Variants in TBXAS1 observed in about 807,000 individuals in gnomAD.
The protein encoded by TBXAS1 is thromboxane-A synthase.
TBXAS1 carries 48 observed loss-of-function variants against 60.7 expected under a neutral mutation model. That is an observed-to-expected ratio of 0.79 (90% CI 0.63 to 1.01). The LOEUF (loss-of-function observed/expected upper bound fraction) is 1.01. Among genes scored for constraint, TBXAS1 ranks in the 50% least tolerant of loss-of-function variants. The probability of loss-of-function intolerance (pLI) is 0.00; values close to 1 mark genes in which losing one functional copy is unlikely to be tolerated. For missense variants in TBXAS1, 685 were observed against 686.3 expected (o/e 1.00, Z 0.02); for synonymous variants, 287 against 269.7 (o/e 1.06, Z -0.63).
chr7:139,957,467 G>A (rs897778880), intron 7 of TBXAS1, 167 bp from the exon 8 acceptor site: 1 of 794,030 alleles, frequency 1.3e-6, no homozygotes, highest in African/African-American at 1.7e-5. Flanking sequence ...TACCGAGAGG[G>A]AGTGAGACAT....
At chr7:139,962,969 C>T (rs1569520231) in intron 9 of TBXAS1, 1 of 152,270 alleles carries the variant, frequency 6.6e-6, no homozygotes, top group African/African-American at 2.4e-5. Flanking sequence ...GATATGATTG[C>T]TATTACATTC....
At chr7:139,854,278 C>T (rs10239087) in intron 1 of TBXAS1, among the ~76,000 whole-genome samples, 13,033 of 152,036 alleles carry the variant, frequency 0.086, 1,576 homozygotes, top group African/African-American at 0.27. Context: ...TAACTAGGAA[C>T]GTGTGAGTCA....
At chr7:139,858,257 C>G (rs1275014742) in intron 1 of TBXAS1, among the ~76,000 whole-genome samples, 1 of 152,192 alleles carries the variant, frequency 6.6e-6, no homozygotes, top group Non-Finnish European at 1.5e-5. Flanking sequence ...GTTTATTGTG[C>G]CAGCTTTGAC....
At chr7:139,949,325 T>C (rs542724457) in intron 5 of TBXAS1, among the ~76,000 whole-genome samples, 79 of 152,342 alleles carry the variant, frequency 5.2e-4, no homozygotes, top group African/African-American at 1.5e-3. Context: ...CATATATATA[T>C]GTAGATAGAT....
At position 139,975,471 on chromosome 7, in the gene TBXAS1, G is replaced by A. The variant is rs1218315280; in HGVS notation, c.1134+13238G>A. 3.0e-4 allele frequency among the ~76,000 whole-genome samples: 45 copies of A among 149,070 alleles called. No homozygotes were observed. The highest frequency in any genetic ancestry group is 3.0e-3 in the Admixed American group (44 of 14,800). ...CCTCAGCGCTCTGCTGTTCTTGCCT[G>A]ACCAAGTGGATCAATGGTGGCTCTG... is the stretch of plus-strand genomic sequence containing the variant. On this transcript the variant is annotated intron_variant, in intron 9 of 12. Transcript: ENST00000448866. The surrounding 1 kb of genome is among the most constrained non-coding windows in gnomAD (Gnocchi z 4.4).
chr7:139,862,149 C>T (rs1412712470), intron 1 of TBXAS1, among the ~76,000 whole-genome samples: 1 of 152,128 alleles, frequency 6.6e-6, no homozygotes, highest in Non-Finnish European at 1.5e-5. Context: ...TTCAAAGCAT[C>T]CATCAAGTTG....
intron 4 of TBXAS1, among the ~76,000 whole-genome samples, chr7:139,924,049 T>G (rs1487677225): frequency 1.3e-5 from 2 of 152,230 alleles, no homozygotes; most frequent in Admixed American, 6.5e-5. Context: ...TGTCTGTTAA[T>G]GGACACTTAG....
intron 1 of TBXAS1, among the ~76,000 whole-genome samples, chr7:139,871,770 A>G (rs1271738673): frequency 1.3e-5 from 2 of 152,124 alleles, no homozygotes; most frequent in Admixed American, 6.5e-5. Context: ...GGGACAAATT[A>G]TGTGTGTGGC....
chr7:139,989,355 G>C (rs1812729597), intron 9 of TBXAS1, among the ~76,000 whole-genome samples: 1 of 152,172 alleles, frequency 6.6e-6, no homozygotes, highest in Non-Finnish European at 1.5e-5. Context: ...CACTTCCGTG[G>C]GCCCAGTGCC....
At chr7:139,926,394 A>T (rs999705033) in intron 4 of TBXAS1, among the ~76,000 whole-genome samples, 1 of 152,056 alleles carries the variant, frequency 6.6e-6, no homozygotes, top group Non-Finnish European at 1.5e-5. Flanking sequence ...GTGTCTAGGA[A>T]TTTATTTCTT....
intron 3 of TBXAS1, among the ~76,000 whole-genome samples, chr7:139,892,986 A>T (rs1803761357): frequency 6.6e-6 from 1 of 152,048 alleles, no homozygotes; most frequent in South Asian, 2.1e-4. Flanking sequence ...GGCTAGAATG[A>T]TCATCTTGAA....
chr7:139,799,847 G>A (rs6950459), intron 4 of TBXAS1, among the ~76,000 whole-genome samples: 9,661 of 152,156 alleles, frequency 0.063, 1,015 homozygotes, highest in African/African-American at 0.22. Flanking sequence ...AGTGTATGAG[G>A]TCTCCTAATT....
chr7:139,920,431 G>A (rs1035211267), intron 4 of TBXAS1, among the ~76,000 whole-genome samples: 14 of 152,200 alleles, frequency 9.2e-5, no homozygotes, highest in Admixed American at 9.2e-4. Flanking sequence ...CCCTAAAAGG[G>A]GCCACCCTTT....
chr7:139,961,134 G>A (rs1444050665), intron 8 of TBXAS1, among the ~76,000 whole-genome samples: 2 of 152,212 alleles, frequency 1.3e-5, no homozygotes, highest in Non-Finnish European at 1.5e-5. Context: ...CGGGGGCAGG[G>A]GATTACTGAG....
chr7:139,953,440 G>T lies in TBXAS1; in HGVS notation c.523G>T (p.Ala175Ser). 1 of 1,614,094 alleles carries T rather than the reference G, an allele frequency of 6.2e-7. No individual in the cohort carries two copies. The highest frequency in any genetic ancestry group is 8.5e-7 in the Non-Finnish European group (1 of 1,179,978). The change falls in exon 6 of 13, where the codon GCA becomes TCA. Residue 175 changes from alanine to serine, a missense_variant. By Grantham distance (99) the Ala-to-Ser change is moderately conservative (BLOSUM62 1). Coordinates refer to ENST00000448866, the MANE Select transcript of TBXAS1 (RefSeq NM_001061.7). ...AAAACGCTATGCGGAATCTGGGGAC[G>T]CATTTGACATCCAGAGGTAAGGCTG... ...HLKRYAESGD[A>S]FDIQRCYCNY...
Position 139,911,285 on chromosome 7 carries a change from G to A in TBXAS1, c.297G>A (p.Val99=), listed in dbSNP as rs754565649. 2.9e-5 allele frequency: 47 copies of A among 1,614,058 alleles called. No homozygotes were observed. In the South Asian group the frequency reaches 3.8e-4, roughly 13 times the overall value. ...VISEPDMIKQ[V]LVENFSNFTN... is the part of the protein sequence containing the mutation. ...CTGAGCCAGACATGATCAAGCAGGTGTTGGTTGAGAACTTCAGTAACTTTA... is the reference window on the plus strand; with the variant it reads ...CTGAGCCAGACATGATCAAGCAGGTATTGGTTGAGAACTTCAGTAACTTTA... The change falls in exon 4 of 13, where the codon GTG becomes GTA. Residue 99 remains valine, a synonymous_variant. Coordinates refer to ENST00000448866, the MANE Select transcript of TBXAS1 (RefSeq NM_001061.7).
At chr7:139,848,054 C>G (rs1384265058) in intron 1 of TBXAS1, among the ~76,000 whole-genome samples, 1 of 152,134 alleles carries the variant, frequency 6.6e-6, no homozygotes, top group Non-Finnish European at 1.5e-5. Context: ...CTCTTGGCCT[C>G]AAGTGACCCT....
At chr7:139,968,116 G>T (rs1196756800) in intron 9 of TBXAS1, among the ~76,000 whole-genome samples, 1 of 152,102 alleles carries the variant, frequency 6.6e-6, no homozygotes, top group African/African-American at 2.4e-5. Context: ...CTAAACCCCT[G>T]GCGCATATAA....
intron 3 of TBXAS1, among the ~76,000 whole-genome samples, chr7:139,894,145 C>G (rs1009595279): frequency 6.6e-6 from 1 of 152,196 alleles, no homozygotes; most frequent in African/African-American, 2.4e-5. Flanking sequence ...TCCAGGCTGC[C>G]AAGCCTGGGG....
Sources: gnomAD v4.1 joint callset for allele counts (sites outside exome capture counted in the v4.1 genomes callset) on GRCh38, gnomAD v4.1.1 for gene constraint, Gnocchi (gnomAD v3.1) non-coding constraint, MANE v1.5 for transcripts, NCBI Gene and HGNC (gene_info 2026-07-23, HGNC 2026-07-21) for gene names.